GPR141: variants seen among roughly 807,000 people sequenced by gnomAD.
GPR141 encodes the protein G protein-coupled receptor 141, also known as probable G protein-coupled receptor 141.
Under a neutral mutation model 6.8 loss-of-function variants are expected in GPR141, and 6 were observed. That is an observed-to-expected ratio of 0.88 (90% CI 0.48 to 1.74). GPR141 has a LOEUF of 1.74. GPR141 is among the 40% of genes most tolerant of loss of function. GPR141 has a pLI of 0.01. For synonymous variants in GPR141, 140 were observed against 142.3 expected (o/e 0.98, Z 0.11); for missense variants, 372 against 372.9 (o/e 1.00, Z 0.02).
intron 2 of GPR141, among the ~76,000 whole-genome samples, chr7:37,728,982 G>A (rs942233901): frequency 2.6e-5 from 4 of 152,150 alleles, no homozygotes; most frequent in Non-Finnish European, 4.4e-5. Flanking sequence ...CTTCATTCTA[G>A]TTGTTTAGCT....
Position 37,740,479 on chromosome 7 carries a change from T to C in GPR141, c.86T>C (p.Ile29Thr), listed in dbSNP as rs373988182. Reference sequence around the variant, plus strand: ...ATCAGCCTCTACTTCATAGTGCTTATTGGCGGGCTGGTGGGTGTCATTTCC... The same window carrying C: ...ATCAGCCTCTACTTCATAGTGCTTACTGGCGGGCTGGTGGGTGTCATTTCC... ...HLISLYFIVL[I>T]GGLVGVISIL... The change falls in exon 3 of 3, where the codon ATT (isoleucine) becomes ACT (threonine). Residue 29 changes from isoleucine to threonine, a missense_variant. Physicochemically the swap from Ile to Thr is moderately conservative, Grantham distance 89 (BLOSUM62 -1). Transcript: ENST00000334425. 51 of 1,613,954 alleles carry C rather than the reference T, an allele frequency of 3.2e-5. 1 individual carries two copies. Among genetic ancestry groups the C allele is most frequent in the Non-Finnish European group, 4.1e-5 (48 of 1,179,962 alleles).
intron 2 of GPR141, among the ~76,000 whole-genome samples, chr7:37,715,775 A>G (rs765866419): frequency 2.6e-5 from 4 of 152,320 alleles, no homozygotes; most frequent in Non-Finnish European, 2.9e-5. Context: ...GGAGGTGAGT[A>G]TTAGTTTAAA....
At chr7:37,709,025 G>A (rs147119562) in intron 2 of GPR141, among the ~76,000 whole-genome samples, 1 of 152,150 alleles carries the variant, frequency 6.6e-6, no homozygotes, top group South Asian at 2.1e-4. Flanking sequence ...ACAAGCTATA[G>A]CACCTATTTT....
chr7:37,705,396 C>T (rs1810481665), intron 2 of GPR141, among the ~76,000 whole-genome samples: 1 of 152,098 alleles, frequency 6.6e-6, no homozygotes, highest in South Asian at 2.1e-4. Context: ...AATGTATTCT[C>T]CATTTATAAT....
chr7:37,697,530 G>A (rs1405375049), intron 2 of GPR141, among the ~76,000 whole-genome samples: 3 of 152,206 alleles, frequency 2.0e-5, no homozygotes, highest in Non-Finnish European at 4.4e-5. Context: ...GTGTGTCTCA[G>A]CAGCCTCCAT....
At chr7:37,726,570 CCCAGATTCCCCAATTGTAATCTTTT>C (rs1562785853) in intron 2 of GPR141, among the ~76,000 whole-genome samples, 1 of 152,168 alleles carries the variant, frequency 6.6e-6, no homozygotes, top group East Asian at 1.9e-4. Context: ...ATAACCTTCA[CCCAGATTCCCCAATTGTAATCTTTT>C]CCACATTGGT....
intron 2 of GPR141, among the ~76,000 whole-genome samples, chr7:37,731,762 A>T (rs950400272): frequency 1.3e-4 from 20 of 152,272 alleles, no homozygotes; most frequent in East Asian, 5.8e-4. Flanking sequence ...CAGATATATA[A>T]TTTTTTTGTC....
chr7:37,705,097 A>G (rs147169308), intron 2 of GPR141, among the ~76,000 whole-genome samples: 203 of 152,280 alleles, frequency 1.3e-3, no homozygotes, highest in African/African-American at 4.3e-3. Flanking sequence ...TATTATTTAG[A>G]TATTTCTCTA....
At chr7:37,729,959 A>T (rs1811836423) in intron 2 of GPR141, 1 of 152,176 alleles carries the variant, frequency 6.6e-6, no homozygotes, top group South Asian at 2.1e-4. Context: ...AGTATATTGG[A>T]GAATCAACTG....
At chr7:37,706,477 T>G (rs1474992815) in intron 2 of GPR141, among the ~76,000 whole-genome samples, 1 of 152,132 alleles carries the variant, frequency 6.6e-6, no homozygotes, top group Non-Finnish European at 1.5e-5. Flanking sequence ...GTGAAGAGCT[T>G]TTTTCCACCC....
intron 2 of GPR141, among the ~76,000 whole-genome samples, chr7:37,724,886 TG>T (rs1412242287): frequency 2.0e-5 from 3 of 152,170 alleles, no homozygotes; most frequent in Non-Finnish European, 1.5e-5. Flanking sequence ...TCTGTCCTGC[TG>T]GGCCTCTGGA....
At chr7:37,729,386 G>T (rs750812174) in intron 2 of GPR141, among the ~76,000 whole-genome samples, 1 of 152,186 alleles carries the variant, frequency 6.6e-6, no homozygotes, top group African/African-American at 2.4e-5. Flanking sequence ...CTCTGGGTTT[G>T]CAGTTTATTT....
intron 2 of GPR141, among the ~76,000 whole-genome samples, chr7:37,693,477 G>T (rs1312190689): frequency 6.6e-6 from 1 of 152,128 alleles, no homozygotes; most frequent in African/African-American, 2.4e-5. Flanking sequence ...GATTGTCTTG[G>T]TTATATGGGC....
chr7:37,738,903 T>C (rs1812393130), intron 2 of GPR141, among the ~76,000 whole-genome samples: 1 of 152,220 alleles, frequency 6.6e-6, no homozygotes, highest in Non-Finnish European at 1.5e-5. Context: ...TTTTATTTAG[T>C]AATGTTTCTC....
intron 2 of GPR141, among the ~76,000 whole-genome samples, chr7:37,709,394 ATTTAC>A (rs1194538428): frequency 1.3e-5 from 2 of 152,176 alleles, no homozygotes; most frequent in Non-Finnish European, 2.9e-5. Flanking sequence ...GTGGAGCATA[ATTTAC>A]TTAACTTATT....
chr7:37,695,310 C>T (rs1256483322), intron 2 of GPR141, among the ~76,000 whole-genome samples: 1 of 152,180 alleles, frequency 6.6e-6, no homozygotes, highest in Middle Eastern at 3.2e-3. Flanking sequence ...GTTCCAGTTC[C>T]AAAATGGCAT....
intron 2 of GPR141, among the ~76,000 whole-genome samples, chr7:37,732,057 TA>T (rs1811978606): frequency 8.1e-6 from 1 of 124,200 alleles, no homozygotes. Context: ...TTATTTATTT[TA>T]TTTTTTTATT....
At chr7:37,722,998 T>C (rs866202388) in intron 2 of GPR141, among the ~76,000 whole-genome samples, 7 of 138,852 alleles carry the variant, frequency 5.0e-5, no homozygotes, top group African/African-American at 1.1e-4. Flanking sequence ...TTCTTTCTTT[T>C]TTTTTTTTGA....
chr7:37,739,560 A>G (rs1812426859), intron 2 of GPR141, among the ~76,000 whole-genome samples: 1 of 152,212 alleles, frequency 6.6e-6, no homozygotes, highest in African/African-American at 2.4e-5. Flanking sequence ...TGACTTTCTT[A>G]GTGAAATTAA....
Sources: gnomAD v4.1 joint callset for allele counts (sites outside exome capture counted in the v4.1 genomes callset) on GRCh38, gnomAD v4.1.1 for gene constraint, MANE v1.5 for transcripts, NCBI Gene and HGNC (gene_info 2026-07-23, HGNC 2026-07-21) for gene names.